The following PDE4B variants were observed in gnomAD, a reference collection of about 807,000 sequenced individuals.
PDE4B encodes the protein 3',5'-cyclic-AMP phosphodiesterase 4B.
In PDE4B, 20 loss-of-function variants were observed where a neutral mutation model predicts 82.2. The observed-to-expected ratio is 0.24, with a 90% CI of 0.17 to 0.35. The LOEUF is 0.35. PDE4B is among the 10% of genes least tolerant of loss of function. The pLI, the probability that PDE4B is intolerant of heterozygous loss-of-function variation, is 1.00. For missense variants in PDE4B, 655 were observed against 907.2 expected (o/e 0.72, Z 3.57); for synonymous variants, 320 against 318.9 (o/e 1.00, Z -0.04).
intron 3 of PDE4B, among the ~76,000 whole-genome samples, chr1:65,948,964 T>C (rs924413722): frequency 6.6e-6 from 1 of 152,058 alleles, no homozygotes; most frequent in African/African-American, 2.4e-5. Flanking sequence ...CAAATACCCT[T>C]ATTGGCTGCC....
At chr1:66,018,570 G>C (rs1451115415) in intron 3 of PDE4B, among the ~76,000 whole-genome samples, 2 of 152,098 alleles carry the variant, frequency 1.3e-5, no homozygotes, top group African/African-American at 4.8e-5. Context: ...TCCAATATGA[G>C]GTTAATATTT....
At chr1:65,918,021 G>C (rs551128835) in intron 2 of PDE4B, among the ~76,000 whole-genome samples, 1 of 152,230 alleles carries the variant, frequency 6.6e-6, no homozygotes, top group Middle Eastern at 3.4e-3. Flanking sequence ...AAAATTAGCC[G>C]GGCGTTGTGG....
At chr1:66,179,962 T>A (rs936582292) in intron 3 of PDE4B, among the ~76,000 whole-genome samples, 2 of 152,198 alleles carry the variant, frequency 1.3e-5, no homozygotes, top group African/African-American at 4.8e-5. Flanking sequence ...CCATCCCTAT[T>A]CTATAGAAAG....
chr1:66,221,201 A>G (rs983019948), intron 3 of PDE4B, among the ~76,000 whole-genome samples: 1 of 151,974 alleles, frequency 6.6e-6, no homozygotes, highest in African/African-American at 2.4e-5. Flanking sequence ...GAAAGTGGCC[A>G]CCCTCCTAGG....
At chr1:66,271,933 C>A (rs942083899) in intron 7 of PDE4B, among the ~76,000 whole-genome samples, 2 of 152,224 alleles carry the variant, frequency 1.3e-5, no homozygotes, top group Admixed American at 6.5e-5. Context: ...TTCTGCCATC[C>A]CTGCGTGGCA....
At chr1:66,112,402 C>T (rs1299342633) in intron 3 of PDE4B, among the ~76,000 whole-genome samples, 2 of 152,088 alleles carry the variant, frequency 1.3e-5, no homozygotes, top group African/African-American at 4.8e-5. Flanking sequence ...CACGTCTCTA[C>T]CAGTGTGACT....
At chr1:65,875,182 C>CA (rs1404597028) in intron 1 of PDE4B, among the ~76,000 whole-genome samples, 2 of 151,804 alleles carry the variant, frequency 1.3e-5, no homozygotes, top group East Asian at 3.9e-4. Context: ...TTTATGCAGC[C>CA]AAAAAACACA....
chr1:65,909,597 G>A (rs1647064732), intron 1 of PDE4B, among the ~76,000 whole-genome samples: 1 of 152,168 alleles, frequency 6.6e-6, no homozygotes, highest in Admixed American at 6.5e-5. Context: ...CTTTTAAGTG[G>A]TGAAATATAA....
intron 3 of PDE4B, among the ~76,000 whole-genome samples, chr1:66,187,745 T>C (rs1231743930): frequency 1.1e-4 from 16 of 152,174 alleles, no homozygotes; most frequent in African/African-American, 3.1e-4. Flanking sequence ...TTAGTCTTGC[T>C]AGCGGTCTAT....
intron 1 of PDE4B, among the ~76,000 whole-genome samples, chr1:65,845,090 A>G (rs1252384131): frequency 6.6e-6 from 1 of 152,180 alleles, no homozygotes; most frequent in African/African-American, 2.4e-5. Flanking sequence ...TCTGGCCTCT[A>G]TGACATGATA....
intron 3 of PDE4B, among the ~76,000 whole-genome samples, chr1:66,116,672 T>C (rs559819437): frequency 6.6e-6 from 1 of 152,194 alleles, no homozygotes; most frequent in South Asian, 2.1e-4. Context: ...CAAGCTATCC[T>C]CCCACCTCAG....
At position 66,354,367 on chromosome 1, in the gene PDE4B, C is replaced by A. The variant is rs978897187; in HGVS notation, c.748-1160C>A. 3.0e-6 allele frequency: 3 copies of A among 985,258 alleles called. No individual in the cohort carries two copies. The African/African-American group carries it at 5.2e-5, about 17-fold the overall frequency. 61.0% of individuals were successfully genotyped at this position (985,258 alleles called of 1,614,324 possible). A position where few individuals can be genotyped will look rare whatever the true frequency, so the allele number is the denominator to read the frequency against. ...CTGACTTCAGATTTACTTAAATATTCATGGGGCTTCCTCCATTTTAATCTT... is the reference window on the plus strand; with the variant it reads ...CTGACTTCAGATTTACTTAAATATTAATGGGGCTTCCTCCATTTTAATCTT... On this transcript the variant is annotated intron_variant, in intron 8 of 16. Transcript: ENST00000341517.
At chr1:66,017,702 T>A (rs1468904854) in intron 3 of PDE4B, among the ~76,000 whole-genome samples, 1 of 152,214 alleles carries the variant, frequency 6.6e-6, no homozygotes, top group Non-Finnish European at 1.5e-5. Flanking sequence ...ATTCCTGGAA[T>A]AAGTCCCTAT....
At chr1:65,888,213 T>C (rs1646813987) in intron 1 of PDE4B, among the ~76,000 whole-genome samples, 1 of 152,142 alleles carries the variant, frequency 6.6e-6, no homozygotes, top group Admixed American at 6.6e-5. Flanking sequence ...ATGTTCTTTC[T>C]CCAATATATA....
intron 3 of PDE4B, among the ~76,000 whole-genome samples, chr1:66,109,069 A>G (rs2101046402): frequency 6.6e-6 from 1 of 152,098 alleles, no homozygotes; most frequent in African/African-American, 2.4e-5. Flanking sequence ...TTATTTGAAT[A>G]TCCCTTGCTA....
intron 4 of PDE4B, among the ~76,000 whole-genome samples, chr1:66,250,013 G>T (rs79032832): frequency 1.3e-3 from 200 of 152,262 alleles, no homozygotes; most frequent in Non-Finnish European, 2.5e-3. Flanking sequence ...TTCACAACAC[G>T]CTGAGAAGTA....
chr1:66,233,883 G>A (rs1278742611), intron 3 of PDE4B, among the ~76,000 whole-genome samples: 1 of 151,972 alleles, frequency 6.6e-6, no homozygotes, highest in African/African-American at 2.4e-5. Flanking sequence ...TAATCATAAG[G>A]TGTCATCCTC....
intron 3 of PDE4B, among the ~76,000 whole-genome samples, chr1:65,967,722 A>C (rs1473881933): frequency 6.6e-6 from 1 of 152,226 alleles, no homozygotes; most frequent in Non-Finnish European, 1.5e-5. Flanking sequence ...CTTTGCAGGT[A>C]CATGGATGAA....
intron 8 of PDE4B, among the ~76,000 whole-genome samples, chr1:66,351,386 C>T (rs1293177406): frequency 1.3e-5 from 2 of 152,184 alleles, no homozygotes; most frequent in African/African-American, 4.8e-5. Flanking sequence ...TCCTTCCAAT[C>T]CAGTAACTCC....
Sources: gnomAD v4.1 joint callset for allele counts (sites outside exome capture counted in the v4.1 genomes callset) on GRCh38, gnomAD v4.1.1 for gene constraint, MANE v1.5 for transcripts, NCBI Gene and HGNC (gene_info 2026-07-23, HGNC 2026-07-21) for gene names.